RTN4IP1: variants seen among roughly 807,000 people sequenced by gnomAD.
RTN4IP1 encodes the protein reticulon 4 interacting protein 1.
A neutral mutation model predicts 46.6 loss-of-function variants in RTN4IP1; 32 were observed. The ratio of observed to expected loss-of-function variants is 0.69; its 90% CI spans 0.52 to 0.92. RTN4IP1 has a LOEUF of 0.92. RTN4IP1 is among the 40% of genes least tolerant of loss of function. RTN4IP1 has a pLI of 0.00. For synonymous variants in RTN4IP1, 167 were observed against 161.8 expected, an observed-to-expected ratio of 1.03 and a Z score of -0.24; for missense variants, 424 against 485.8, an observed-to-expected ratio of 0.87 and a Z score of 1.20.
At chr6:106,613,105 G>A (rs1009176180) in intron 4 of RTN4IP1, among the ~76,000 whole-genome samples, 5 of 151,966 alleles carry the variant, frequency 3.3e-5, no homozygotes, top group African/African-American at 4.8e-5. Flanking sequence ...GTTAAGATTG[G>A]TCTTTTTTCA....
At chr6:106,619,722 C>T (rs1776439226) in intron 3 of RTN4IP1, among the ~76,000 whole-genome samples, 1 of 150,960 alleles carries the variant, frequency 6.6e-6, no homozygotes, top group African/African-American at 2.4e-5. Flanking sequence ...CACCATTCTC[C>T]TGCCTCAGCC....
intron 5 of RTN4IP1, among the ~76,000 whole-genome samples, chr6:106,593,584 A>T (rs1365489938): frequency 6.6e-6 from 1 of 152,176 alleles, no homozygotes; most frequent in Non-Finnish European, 1.5e-5. Flanking sequence ...AATACAAGGG[A>T]TCTGTGTTTG....
Position 106,587,818 on chromosome 6 carries a change from C to T in RTN4IP1, c.851G>A (p.Trp284Ter). Reference protein sequence around the residue: ...LDNVGGSTETWAPDFLKKWSG... With the variant: ...LDNVGGSTET Reference sequence around the variant, plus strand: ...CCATTTCTTGAGAAAATCTGGAGCCCATGTTTCAGTGGATCCGCCAACATT... The same window carrying T: ...CCATTTCTTGAGAAAATCTGGAGCCTATGTTTCAGTGGATCCGCCAACATT... Residue 284 changes from tryptophan to a stop codon, truncating the protein, a stop_gained, in exon 7 of 9, where the codon TGG (tryptophan) becomes TAG (stop). Transcript: ENST00000369063. LOFTEE classifies it high-confidence loss of function. The T allele has an allele frequency of 6.2e-7, 1 of 1,613,656 alleles. No homozygotes were observed. Among genetic ancestry groups the T allele is most frequent in the Non-Finnish European group, 8.5e-7 (1 of 1,179,870 alleles).
At chr6:106,627,490 C>A (rs776667452) in intron 1 of RTN4IP1, among the ~76,000 whole-genome samples, 2 of 152,124 alleles carry the variant, frequency 1.3e-5, no homozygotes, top group Non-Finnish European at 2.9e-5. Context: ...ATGTGAAGCA[C>A]TGAAACAGGT....
At chr6:106,607,186 T>C (rs1379751381) in intron 4 of RTN4IP1, among the ~76,000 whole-genome samples, 7 of 151,882 alleles carry the variant, frequency 4.6e-5, no homozygotes, top group Admixed American at 3.9e-4. Flanking sequence ...GCTGGGAAAA[T>C]TGGATATCCA....
intron 8 of RTN4IP1, among the ~76,000 whole-genome samples, chr6:106,575,174 T>G (rs983905616): frequency 6.6e-6 from 1 of 152,128 alleles, no homozygotes; most frequent in Non-Finnish European, 1.5e-5. Context: ...GTAGGGATGT[T>G]TATGTGATGA....
intron 6 of RTN4IP1, among the ~76,000 whole-genome samples, chr6:106,590,938 C>A (rs990807860): frequency 6.6e-6 from 1 of 152,044 alleles, no homozygotes; most frequent in African/African-American, 2.4e-5. Flanking sequence ...GCTGTTCTTT[C>A]CAGCTGGAAC....
At position 106,583,387 on chromosome 6, in the gene RTN4IP1, A is replaced by G. The variant is rs760197663; in HGVS notation, c.1024T>C (p.Phe342Leu). 6.2e-7 allele frequency: 1 copy of G among 1,613,692 alleles called. No individual in the cohort carries two copies. The highest frequency in any genetic ancestry group is 1.7e-5 in the Admixed American group (1 of 60,000). ...FWKGVHYRWA[F>L]FMASGPCLDD... ...AAACATGGGCCACTGGCCATGAAAA[A>G]TGCCCAGCGATAATGGACTCCTTTC... is the stretch of plus-strand genomic sequence containing the variant. Residue 342 changes from phenylalanine to leucine, a missense_variant, in exon 8 of 9, where the codon TTT (phenylalanine) becomes CTT (leucine). By Grantham distance (22) the Phe-to-Leu change is conservative. Coordinates refer to ENST00000369063, the MANE Select transcript of RTN4IP1 (RefSeq NM_032730.5).
At chr6:106,597,268 C>T (rs1215549984) in intron 5 of RTN4IP1, among the ~76,000 whole-genome samples, 2 of 152,080 alleles carry the variant, frequency 1.3e-5, no homozygotes, top group African/African-American at 4.8e-5. Flanking sequence ...TTGGTTTTCC[C>T]CTTCGAGGAC....
At chr6:106,588,947 T>C (rs1775552355) in intron 6 of RTN4IP1, among the ~76,000 whole-genome samples, 1 of 151,124 alleles carries the variant, frequency 6.6e-6, no homozygotes, top group Non-Finnish European at 1.5e-5. Context: ...CCTGTCTCTA[T>C]TAAAACTGCA....
intron 7 of RTN4IP1, among the ~76,000 whole-genome samples, chr6:106,585,611 G>C (rs1775464096): frequency 6.6e-6 from 1 of 152,180 alleles, no homozygotes; most frequent in Non-Finnish European, 1.5e-5. Context: ...TGCTATAAGA[G>C]GTCTGTGTTA....
chr6:106,593,102 T>C (rs1304839749), intron 5 of RTN4IP1, among the ~76,000 whole-genome samples: 1 of 152,314 alleles, frequency 6.6e-6, no homozygotes, highest in East Asian at 1.9e-4. Flanking sequence ...TCAGAAAGCG[T>C]GTCAAAGTAA....
chr6:106,579,619 T>C (rs1240000500), intron 8 of RTN4IP1, among the ~76,000 whole-genome samples: 2 of 151,810 alleles, frequency 1.3e-5, no homozygotes, highest in East Asian at 2.0e-4. Flanking sequence ...AAAGGTAGGG[T>C]TGTTGTTCAT....
In RTN4IP1 at chr6:106,602,872, A is replaced by C. The variant is rs1256424201; in HGVS notation, c.669+2T>G. On this transcript the variant is annotated splice_donor_variant, in intron 5 of 8. Transcript: ENST00000369063. LOFTEE classifies it high-confidence loss of function. Reference sequence around the variant, plus strand: ...ATTCACAAGATTAAAAAATGGTTTTACCTGTATAGCAAAAGTACCAACTCC... The same window carrying C: ...ATTCACAAGATTAAAAAATGGTTTTCCCTGTATAGCAAAAGTACCAACTCC... The C allele has an allele frequency of 6.3e-7, 1 of 1,595,832 alleles. No homozygotes were observed. Among genetic ancestry groups the C allele is most frequent in the East Asian group, 2.3e-5 (1 of 44,364 alleles).
chr6:106,611,995 G>T (rs1335980845), intron 4 of RTN4IP1, among the ~76,000 whole-genome samples: 1 of 152,118 alleles, frequency 6.6e-6, no homozygotes, highest in Non-Finnish European at 1.5e-5. Context: ...TTTCAACCAG[G>T]GGTACTGGGA....
At chr6:106,612,526 C>T (rs913741204) in intron 4 of RTN4IP1, among the ~76,000 whole-genome samples, 3 of 151,798 alleles carry the variant, frequency 2.0e-5, no homozygotes, top group Non-Finnish European at 4.4e-5. Context: ...CAGAGAGGAA[C>T]CCTAGCAATA....
intron 4 of RTN4IP1, among the ~76,000 whole-genome samples, chr6:106,609,097 C>T (rs6920562): frequency 0.019 from 2,908 of 152,286 alleles, 76 homozygotes; most frequent in African/African-American, 0.068. Context: ...TCCCAGTTTT[C>T]CTCTACAATA....
chr6:106,615,538 G>T (rs935907145), intron 4 of RTN4IP1, among the ~76,000 whole-genome samples: 2 of 152,114 alleles, frequency 1.3e-5, no homozygotes, highest in African/African-American at 4.8e-5. Context: ...GCAGTGGCAT[G>T]ATCTCAGCTC....
rs71752160 is a variant in RTN4IP1, at chr6:106,578,914, C to CTT, written c.1083+4412_1083+4413dup. Among the ~76,000 whole-genome samples, 480 of 144,980 alleles carry CTT rather than the reference C, an allele frequency of 3.3e-3. 5 individuals are homozygous for CTT. Among genetic ancestry groups the CTT allele is most frequent in the African/African-American group, 0.011 (452 of 39,698 alleles). On this transcript the variant is annotated intron_variant, in intron 8 of 8. Coordinates refer to ENST00000369063, the MANE Select transcript of RTN4IP1 (RefSeq NM_032730.5). ...CATGGTCTAAGTTCTTCTTCTTCTT[C>CTT]TTTTTTTTTTTTTTAACAAATCTTT...
Sources: gnomAD v4.1 joint callset for allele counts (sites outside exome capture counted in the v4.1 genomes callset) on GRCh38, gnomAD v4.1.1 for gene constraint, MANE v1.5 for transcripts, NCBI Gene and HGNC (gene_info 2026-07-23, HGNC 2026-07-21) for gene names.